PCNX1: variants seen among roughly 807,000 people sequenced by gnomAD.
The protein encoded by PCNX1 is pecanex 1, also known as pecanex-like protein 1.
PCNX1 carries 78 observed loss-of-function variants against 242.2 expected under a neutral mutation model. That is an observed-to-expected ratio of 0.32 (90% CI 0.27 to 0.39). PCNX1 has a LOEUF of 0.39. Ranked by LOEUF, PCNX1 falls within the 10% of genes least tolerant of loss-of-function variation. PCNX1 has a pLI of 1.00. For synonymous variants in PCNX1, 1,024 were observed against 1,032.9 expected, an observed-to-expected ratio of 0.99 and a Z score of 0.17; for missense variants, 2,581 against 2,856.5, an observed-to-expected ratio of 0.90 and a Z score of 2.20.
intron 2 of PCNX1, among the ~76,000 whole-genome samples, chr14:70,949,519 A>G (rs2057693726): frequency 6.6e-6 from 1 of 151,982 alleles, no homozygotes; most frequent in African/African-American, 2.4e-5. Flanking sequence ...TTTACTTGAC[A>G]TTTATAAGTA....
intron 33 of PCNX1, among the ~76,000 whole-genome samples, chr14:71,106,307 C>T (rs952123942): frequency 6.6e-6 from 1 of 152,202 alleles, no homozygotes; most frequent in Non-Finnish European, 1.5e-5. Context: ...CGTGAGCCAC[C>T]ACGCCCAGCT....
At chr14:71,000,063 G>A (rs549227762) in intron 8 of PCNX1, among the ~76,000 whole-genome samples, 1 of 151,968 alleles carries the variant, frequency 6.6e-6, no homozygotes, top group African/African-American at 2.4e-5. Flanking sequence ...ATTGTTTTGA[G>A]TACAAAAAAA....
At chr14:70,940,953 A>C (rs2057215909) in intron 1 of PCNX1, among the ~76,000 whole-genome samples, 1 of 152,064 alleles carries the variant, frequency 6.6e-6, no homozygotes, top group Admixed American at 6.6e-5. Flanking sequence ...CGTAGTTCTC[A>C]TGCCATGGTT....
chr14:70,924,231 C>CAAAAAA (rs60333920), intron 1 of PCNX1, among the ~76,000 whole-genome samples: 27 of 97,772 alleles, frequency 2.8e-4, no homozygotes, highest in African/African-American at 4.0e-4. Context: ...GAGACTGTCT[C>CAAAAAA]AAAAAAAAAA....
chr14:70,965,825 G>C (rs1359320268), intron 3 of PCNX1, among the ~76,000 whole-genome samples: 2 of 152,176 alleles, frequency 1.3e-5, no homozygotes, highest in African/African-American at 2.4e-5. Context: ...CTAGTTAGAA[G>C]TAACCTTTCT....
intron 9 of PCNX1, 145 bp downstream of exon 9, chr14:71,009,869 A>G (rs892280240): frequency 4.3e-6 from 2 of 468,872 alleles, no homozygotes; most frequent in Non-Finnish European, 7.6e-6. Flanking sequence ...ATAAATATTT[A>G]TGGCATACAA....
chr14:70,948,475 G>A (rs1169131413), intron 2 of PCNX1, among the ~76,000 whole-genome samples: 1 of 152,024 alleles, frequency 6.6e-6, no homozygotes, highest in Admixed American at 6.6e-5. Flanking sequence ...TTACACTAGA[G>A]ACCAAAACCA....
At chr14:70,929,483 T>C (rs1303889330) in intron 1 of PCNX1, among the ~76,000 whole-genome samples, 1 of 152,218 alleles carries the variant, frequency 6.6e-6, no homozygotes, top group Non-Finnish European at 1.5e-5. Context: ...ATGACTTGAT[T>C]TTTAAACAGT....
In PCNX1 at chr14:71,030,160, G is replaced by A. The variant is rs116025395; in HGVS notation, c.3558+1369G>A. Among the ~76,000 whole-genome samples the A allele has an allele frequency of 3.1e-3, 470 of 152,218 alleles. 5 individuals carry two copies. Among genetic ancestry groups the A allele is most frequent in the African/African-American group, 0.011 (451 of 41,520 alleles). On this transcript the variant is annotated intron_variant, in intron 16 of 35. Transcript: ENST00000304743. The stretch of plus-strand genomic sequence containing the variant: ...GTCAAATAGTTTTACAAGACTTATA[G>A]CAAGAACAGCAATCTCCTAACCTGT...
chr14:70,991,171 A>G (rs1187990706), intron 7 of PCNX1, among the ~76,000 whole-genome samples: 3 of 148,306 alleles, frequency 2.0e-5, no homozygotes, highest in Non-Finnish European at 4.5e-5. Flanking sequence ...TTTGGAATAC[A>G]TTACCATTCA....
chr14:71,104,528 G>T (rs1168926867), intron 32 of PCNX1, among the ~76,000 whole-genome samples: 2 of 152,160 alleles, frequency 1.3e-5, no homozygotes, highest in Non-Finnish European at 2.9e-5. Context: ...TAGGAAAAAT[G>T]ATTTCAGCAC....
intron 15 of PCNX1, among the ~76,000 whole-genome samples, chr14:71,027,446 A>G (rs2060269834): frequency 6.6e-6 from 1 of 152,008 alleles, no homozygotes; most frequent in African/African-American, 2.4e-5. Context: ...TTACCCTGGA[A>G]TAGATAATGG....
At chr14:70,919,618 A>G (rs188685247) in intron 1 of PCNX1, among the ~76,000 whole-genome samples, 247 of 148,088 alleles carry the variant, frequency 1.7e-3, no homozygotes, top group African/African-American at 5.8e-3. Context: ...TAGCATATAG[A>G]TGAACTTTAC....
At chr14:70,914,043 T>C (rs1294183765) in intron 1 of PCNX1, among the ~76,000 whole-genome samples, 1 of 152,200 alleles carries the variant, frequency 6.6e-6, no homozygotes, top group Non-Finnish European at 1.5e-5. Context: ...ATGTATTATA[T>C]TACCTATAAT....
intron 6 of PCNX1, among the ~76,000 whole-genome samples, chr14:70,982,729 C>T (rs2058874448): frequency 6.6e-6 from 1 of 152,168 alleles, no homozygotes; most frequent in African/African-American, 2.4e-5. Flanking sequence ...ATTCCCAAAA[C>T]CAGCCCATGC....
chr14:70,985,985 G>A (rs2058991337), intron 6 of PCNX1, among the ~76,000 whole-genome samples: 1 of 152,100 alleles, frequency 6.6e-6, no homozygotes, highest in African/African-American at 2.4e-5. Context: ...GATTCTGGAA[G>A]GGAATATTTA....
At chr14:70,916,541 T>C (rs1216839480) in intron 1 of PCNX1, among the ~76,000 whole-genome samples, 1 of 152,218 alleles carries the variant, frequency 6.6e-6, no homozygotes, top group East Asian at 1.9e-4. Flanking sequence ...CCAGTGCATA[T>C]AAAAGTTATA....
At chr14:70,916,315 G>A (rs984871631) in intron 1 of PCNX1, among the ~76,000 whole-genome samples, 1 of 152,018 alleles carries the variant, frequency 6.6e-6, no homozygotes. Flanking sequence ...TGGGAAGAAA[G>A]TTTATCTCAT....
chr14:71,031,443 A>G (rs974369580), intron 16 of PCNX1, among the ~76,000 whole-genome samples: 4 of 152,190 alleles, frequency 2.6e-5, no homozygotes, highest in Admixed American at 6.5e-5. Flanking sequence ...CAAGGTCCAG[A>G]AGCCCTGGCA....
Sources: allele counts gnomAD v4.1 joint callset (sites outside exome capture counted in the v4.1 genomes callset), GRCh38; gene constraint gnomAD v4.1.1; transcripts MANE v1.5; gene names NCBI Gene and HGNC (gene_info 2026-07-23, HGNC 2026-07-21).